Variants in SIM1 observed in about 807,000 individuals in gnomAD.
The protein encoded by SIM1 is SIM bHLH transcription factor 1.
SIM1 carries 18 observed loss-of-function variants against 78.2 expected under a neutral mutation model. The ratio of observed to expected loss-of-function variants is 0.23; its 90% CI spans 0.16 to 0.34. SIM1 has a LOEUF of 0.34. Among genes scored for constraint, SIM1 ranks in the 10% least tolerant of loss-of-function variants. The pLI is 1.00. For missense variants in SIM1, 939 were observed against 975.1 expected, an observed-to-expected ratio of 0.96 and a Z score of 0.49; for synonymous variants, 417 against 385.2, an observed-to-expected ratio of 1.08 and a Z score of -0.97.
chr6:100,417,946 A>G (rs1259933220), intron 10 of SIM1, among the ~76,000 whole-genome samples: 1 of 152,224 alleles, frequency 6.6e-6, no homozygotes, highest in African/African-American at 2.4e-5. Flanking sequence ...TTGAAATTCT[A>G]AGGACTAGTT....
intron 10 of SIM1, among the ~76,000 whole-genome samples, chr6:100,410,294 C>T (rs1310916736): frequency 1.3e-5 from 2 of 152,062 alleles, no homozygotes; most frequent in Admixed American, 6.6e-5. Context: ...AGCCATTCTC[C>T]TCCTCTCTTC....
intron 9 of SIM1, among the ~76,000 whole-genome samples, chr6:100,427,453 A>G (rs1008746910): frequency 2.6e-5 from 4 of 152,342 alleles, no homozygotes; most frequent in African/African-American, 9.6e-5. Flanking sequence ...TTCATCCAAC[A>G]TGCTATGGAG....
At chr6:100,432,151 AAG>A (rs915646844) in intron 9 of SIM1, among the ~76,000 whole-genome samples, 17 of 152,104 alleles carry the variant, frequency 1.1e-4, no homozygotes, top group Non-Finnish European at 1.9e-4. Flanking sequence ...ATCTCTTAAA[AAG>A]AGAGAGAGAG....
intron 9 of SIM1, among the ~76,000 whole-genome samples, chr6:100,425,776 G>A (rs987085521): frequency 6.6e-6 from 1 of 152,082 alleles, no homozygotes; most frequent in Non-Finnish European, 1.5e-5. Context: ...GCACTTTCTG[G>A]TATCACATAT....
At chr6:100,412,556 AAAGAAAGAAAGAAAGAAAGAAAG>A (rs1771223420) in intron 10 of SIM1, among the ~76,000 whole-genome samples, 1 of 5,414 alleles carries the variant, frequency 1.8e-4, no homozygotes, top group Admixed American at 2.6e-3. Flanking sequence ...GAAAGAAAGA[AAAGAAAGAAAGAAAGAAAGAAAG>A]AAAGAAAGAA....
chr6:100,392,173 T>C (rs1304995873), intron 11 of SIM1, among the ~76,000 whole-genome samples: 3 of 152,126 alleles, frequency 2.0e-5, no homozygotes, highest in Non-Finnish European at 4.4e-5. Context: ...AAACTCTGTC[T>C]CAAAAAAAAT....
intron 10 of SIM1, among the ~76,000 whole-genome samples, chr6:100,397,618 G>A (rs1239438529): frequency 6.6e-6 from 1 of 151,812 alleles, no homozygotes; most frequent in African/African-American, 2.4e-5. Context: ...GACTAGGTAA[G>A]GAGTTTTTAG....
intron 10 of SIM1, among the ~76,000 whole-genome samples, chr6:100,412,636 GAAAAGAAAGAAAGAAAGAA>G (rs1771248211): frequency 1.3e-5 from 1 of 75,764 alleles, no homozygotes; most frequent in African/African-American, 4.6e-5. Flanking sequence ...AAGAAAGAAA[GAAAAGAAAGAAAGAAAGAA>G]AGAGAGAGAG....
chr6:100,431,764 C>A (rs1055978768), intron 9 of SIM1, among the ~76,000 whole-genome samples: 1 of 152,136 alleles, frequency 6.6e-6, no homozygotes, highest in Non-Finnish European at 1.5e-5. Context: ...GAGAAAGTTC[C>A]CTGGCCATGA....
At position 100,387,135 on chromosome 6, in the gene SIM1, C is replaced by G. The variant is rs556100192; in HGVS notation, c.*3226G>C. The G allele has an allele frequency of 6.6e-6, 1 of 151,954 alleles. No homozygotes were observed. Among genetic ancestry groups the G allele is most frequent in the African/African-American group, 2.4e-5 (1 of 41,394 alleles). 9.4% of individuals were successfully genotyped at this position (151,954 alleles called of 1,614,324 possible). A position where few individuals can be genotyped will look rare whatever the true frequency, so the allele number is the denominator to read the frequency against. On this transcript the variant is annotated 3_prime_UTR_variant, in exon 12 of 12. Coordinates refer to ENST00000369208, the MANE Select transcript of SIM1 (RefSeq NM_005068.3). ...AACCAGAATTCTACAAAACCATGAGCTATGTATCATCTAATGAATTGATAC... is the reference window on the plus strand; with the variant it reads ...AACCAGAATTCTACAAAACCATGAGGTATGTATCATCTAATGAATTGATAC...
At chr6:100,437,046 A>T (rs921073675) in intron 9 of SIM1, among the ~76,000 whole-genome samples, 5 of 152,046 alleles carry the variant, frequency 3.3e-5, no homozygotes, top group Non-Finnish European at 5.9e-5. Flanking sequence ...CATTTTACAG[A>T]TTTTTTAAAA....
chr6:100,435,063 C>G (rs1772008437), intron 9 of SIM1, among the ~76,000 whole-genome samples: 1 of 152,068 alleles, frequency 6.6e-6, no homozygotes, highest in African/African-American at 2.4e-5. Context: ...TTTGTGAAAA[C>G]ATCATGACTG....
chr6:100,403,322 C>T (rs183109562), intron 10 of SIM1, among the ~76,000 whole-genome samples: 149 of 152,306 alleles, frequency 9.8e-4, no homozygotes, highest in African/African-American at 3.5e-3. Flanking sequence ...CCCCAGCTCT[C>T]CCCTGGAATT....
intron 10 of SIM1, among the ~76,000 whole-genome samples, chr6:100,419,653 TG>T (rs1304785201): frequency 6.6e-6 from 1 of 152,194 alleles, no homozygotes; most frequent in Admixed American, 6.5e-5. Flanking sequence ...TTTTTGTTTT[TG>T]TTTTTTTGAG....
rs1458591704 is a variant in SIM1, at chr6:100,387,620, A to T, written c.*2741T>A. 1 of 152,118 alleles carries T rather than the reference A, an allele frequency of 6.6e-6. No homozygotes were observed. Among genetic ancestry groups the T allele is most frequent in the African/African-American group, 2.4e-5 (1 of 41,464 alleles). 9.4% of individuals were successfully genotyped at this position (152,118 alleles called of 1,614,324 possible). On this transcript the variant is annotated 3_prime_UTR_variant, in exon 12 of 12. Transcript: ENST00000369208. ...TACTATAAAATTATTGACATTCAGT[A>T]AATTTTAAAATGGTTATGTACTTAA...
rs151274826 is a variant in SIM1, at chr6:100,390,673, C to T, written c.1989G>A (p.Ser663=). 102 of 1,613,942 alleles carry T rather than the reference C, an allele frequency of 6.3e-5. 1 individual carries two copies. Among genetic ancestry groups the T allele is most frequent in the African/African-American group, 3.9e-4 (29 of 74,880 alleles). The change falls in exon 12 of 12, where the codon TCG becomes TCA. Residue 663 remains serine, a synonymous_variant. Coordinates refer to ENST00000369208, the MANE Select transcript of SIM1 (RefSeq NM_005068.3). The stretch of plus-strand genomic sequence containing the variant: ...TCAAACTGGATTTTGAAATGCGATC[C>T]GAATTGGGACTACTTATCCGAGATA... The part of the protein sequence containing the change: ...TALSRISSPN[S]DRISKSSLIL...
chr6:100,413,955 C>T (rs976305463), intron 10 of SIM1, among the ~76,000 whole-genome samples: 1 of 152,198 alleles, frequency 6.6e-6, no homozygotes, highest in Admixed American at 6.5e-5. Flanking sequence ...TGCATATTCA[C>T]TCAGCAAGAT....
intron 10 of SIM1, among the ~76,000 whole-genome samples, chr6:100,405,121 T>C (rs1267028022): frequency 2.0e-5 from 3 of 152,014 alleles, no homozygotes; most frequent in African/African-American, 4.8e-5. Context: ...AAGTATAATA[T>C]GATTTCTAGA....
At chr6:100,451,134 G>A (rs1449401525) in intron 3 of SIM1, among the ~76,000 whole-genome samples, 1 of 152,180 alleles carries the variant, frequency 6.6e-6, no homozygotes, top group African/African-American at 2.4e-5. Flanking sequence ...GGAGCAACTG[G>A]CCTGAAGACA....
Sources: gnomAD v4.1 joint callset for allele counts (sites outside exome capture counted in the v4.1 genomes callset) on GRCh38, gnomAD v4.1.1 for gene constraint, MANE v1.5 for transcripts, NCBI Gene and HGNC (gene_info 2026-07-23, HGNC 2026-07-21) for gene names.